Variants in TMPRSS11F observed in about 807,000 individuals in gnomAD.
TMPRSS11F encodes the protein transmembrane protease serine 11F.
Under a neutral mutation model 60.2 loss-of-function variants are expected in TMPRSS11F, and 47 were observed. The ratio of observed to expected loss-of-function variants is 0.78; its 90% CI spans 0.62 to 1.00. The LOEUF is 1.00. Among genes scored for constraint, TMPRSS11F ranks in the 50% least tolerant of loss-of-function variants. The probability of loss-of-function intolerance (pLI) is 0.00; values close to 1 mark genes in which losing one functional copy is unlikely to be tolerated. For missense variants in TMPRSS11F, 519 were observed against 522.9 expected, an observed-to-expected ratio of 0.99 and a Z score of 0.07; for synonymous variants, 166 against 167.3, an observed-to-expected ratio of 0.99 and a Z score of 0.06.
At chr4:68,075,113 AG>A (rs1337953737) in intron 3 of TMPRSS11F, among the ~76,000 whole-genome samples, 1 of 152,186 alleles carries the variant, frequency 6.6e-6, no homozygotes, top group Non-Finnish European at 1.5e-5. Flanking sequence ...ATCCTGTCAG[AG>A]TAGGGAAAGT....
Position 68,053,864 on chromosome 4 carries a change from G to GT in TMPRSS11F, c.*44dup. On this transcript the variant is annotated 3_prime_UTR_variant, in exon 10 of 10. Coordinates refer to ENST00000356291, the MANE Select transcript of TMPRSS11F (RefSeq NM_207407.2). ...TTTAAACAATACAAAATACGCAGGA[G>GT]TATCAGCTCTGTGTGCCATGTGTAT... is the stretch of plus-strand genomic sequence containing the variant. The GT allele has an allele frequency of 6.5e-7, 1 of 1,548,058 alleles. No individual in the cohort carries two copies. Among genetic ancestry groups the GT allele is most frequent in the Non-Finnish European group, 8.8e-7 (1 of 1,130,994 alleles).
chr4:68,063,025 C>G (rs1284711760), intron 8 of TMPRSS11F: 1 of 670,850 alleles, frequency 1.5e-6, no homozygotes, highest in Admixed American at 1.8e-5. Flanking sequence ...CTGACACGCT[C>G]ATTTGGGAGT....
chr4:68,110,537 TAG>T (rs1393610406), intron 1 of TMPRSS11F, among the ~76,000 whole-genome samples: 50 of 152,296 alleles, frequency 3.3e-4, no homozygotes, highest in African/African-American at 1.2e-3. Context: ...CCAGATTCTG[TAG>T]TCCAGCTGTT....
intron 1 of TMPRSS11F, among the ~76,000 whole-genome samples, chr4:68,099,277 G>A (rs545675891): frequency 1.3e-5 from 2 of 152,254 alleles, no homozygotes; most frequent in African/African-American, 4.8e-5. Flanking sequence ...ATCTTCCCAC[G>A]GCATTTTATC....
At chr4:68,105,538 C>G (rs1206273228) in intron 1 of TMPRSS11F, among the ~76,000 whole-genome samples, 2 of 152,124 alleles carry the variant, frequency 1.3e-5, no homozygotes, top group Non-Finnish European at 2.9e-5. Flanking sequence ...ATGGCTTTGT[C>G]AGACCCAAAA....
chr4:68,110,379 GT>G (rs1724388562), intron 1 of TMPRSS11F, among the ~76,000 whole-genome samples: 1 of 152,156 alleles, frequency 6.6e-6, no homozygotes, highest in Non-Finnish European at 1.5e-5. Context: ...CCTCCCCAGT[GT>G]TTAGCCATGG....
chr4:68,124,945 A>ATTTTTTTTTTTTTTTTT (rs370189875), intron 1 of TMPRSS11F, among the ~76,000 whole-genome samples: 1 of 94,100 alleles, frequency 1.1e-5, no homozygotes, highest in Non-Finnish European at 2.0e-5. Flanking sequence ...CTAAACCAGC[A>ATTTTTTTTTTTTTTTTT]TTTTTTTTTT....
intron 3 of TMPRSS11F, among the ~76,000 whole-genome samples, chr4:68,084,709 T>C (rs1577921518): frequency 6.6e-6 from 1 of 150,560 alleles, no homozygotes; most frequent in East Asian, 1.9e-4. Flanking sequence ...CAGAAACACA[T>C]TTATTTATTT....
intron 3 of TMPRSS11F, among the ~76,000 whole-genome samples, chr4:68,083,352 G>C (rs1560400439): frequency 6.6e-6 from 1 of 152,116 alleles, no homozygotes; most frequent in African/African-American, 2.4e-5. Context: ...GATGGACCTG[G>C]TAAGAGCATC....
intron 7 of TMPRSS11F, among the ~76,000 whole-genome samples, chr4:68,065,369 T>C (rs1426479966): frequency 1.3e-5 from 2 of 152,214 alleles, no homozygotes; most frequent in Non-Finnish European, 2.9e-5. Flanking sequence ...TGAAGCGTAA[T>C]TTGTCTGCTT....
At chr4:68,067,976 A>G (rs946557729) in intron 7 of TMPRSS11F, among the ~76,000 whole-genome samples, 1 of 152,210 alleles carries the variant, frequency 6.6e-6, no homozygotes, top group Non-Finnish European at 1.5e-5. Flanking sequence ...GTGCCTATGT[A>G]TGTCTCTGTA....
At chr4:68,068,925 C>CCA (rs1210236267) in intron 6 of TMPRSS11F, 106 bp from the exon 7 acceptor site, 26 of 1,114,608 alleles carry the variant, frequency 2.3e-5, no homozygotes, top group Non-Finnish European at 3.3e-5. Flanking sequence ...ACCATGTGAA[C>CCA]CATTCATAGC....
Position 68,059,829 on chromosome 4 carries a change from T to C in TMPRSS11F, c.1016-361A>G, listed in dbSNP as rs112598768. 5.1e-3 allele frequency among the ~76,000 whole-genome samples: 770 copies of C among 152,202 alleles called. 9 individuals carry two copies. The highest frequency in any genetic ancestry group is 0.018 in the African/African-American group (749 of 41,518). ...CATTCTCCATGTAAGGAAACCATGG[T>C]CCCTGGAAGTTCACTGACATTCCTA... On this transcript the variant is annotated intron_variant, in intron 8 of 9. Coordinates refer to ENST00000356291, the MANE Select transcript of TMPRSS11F (RefSeq NM_207407.2).
intron 1 of TMPRSS11F, among the ~76,000 whole-genome samples, chr4:68,117,659 A>G (rs1360989857): frequency 6.6e-6 from 1 of 152,120 alleles, no homozygotes; most frequent in Non-Finnish European, 1.5e-5. Flanking sequence ...TTGAATAGAA[A>G]GTTGGGTGTC....
chr4:68,083,995 T>C (rs1723757874), intron 3 of TMPRSS11F, among the ~76,000 whole-genome samples: 1 of 152,086 alleles, frequency 6.6e-6, no homozygotes. Context: ...ACTAAACTCC[T>C]AAAATTGAAA....
At chr4:68,091,239 T>G (rs1210712631) in intron 2 of TMPRSS11F, among the ~76,000 whole-genome samples, 1 of 152,154 alleles carries the variant, frequency 6.6e-6, no homozygotes, top group Non-Finnish European at 1.5e-5. Flanking sequence ...CTTGTAGCCT[T>G]CATCATGTTC....
At chr4:68,116,695 C>G in intron 1 of TMPRSS11F, among the ~76,000 whole-genome samples, 1 of 152,058 alleles carries the variant, frequency 6.6e-6, no homozygotes. Flanking sequence ...ACTCATGCAT[C>G]TATGCCAACT....
intron 2 of TMPRSS11F, among the ~76,000 whole-genome samples, chr4:68,092,741 A>C (rs1182854477): frequency 2.6e-5 from 4 of 152,190 alleles, no homozygotes; most frequent in Non-Finnish European, 4.4e-5. Flanking sequence ...ATTAAAATTA[A>C]GATTGATCCC....
At chr4:68,113,669 C>G (rs577575352) in intron 1 of TMPRSS11F, among the ~76,000 whole-genome samples, 1 of 152,138 alleles carries the variant, frequency 6.6e-6, no homozygotes, top group Admixed American at 6.5e-5. Context: ...AAGAGAAGTA[C>G]ACAAATCCAC....
Sources: allele counts gnomAD v4.1 joint callset (sites outside exome capture counted in the v4.1 genomes callset), GRCh38; gene constraint gnomAD v4.1.1; transcripts MANE v1.5; gene names NCBI Gene and HGNC (gene_info 2026-07-23, HGNC 2026-07-21).